GRIP1: variants seen among roughly 807,000 people sequenced by gnomAD.
GRIP1 encodes the protein glutamate receptor-interacting protein 1.
GRIP1 carries 45 observed loss-of-function variants against 129.9 expected under a neutral mutation model. The observed-to-expected ratio is 0.35, with a 90% confidence interval of 0.27 to 0.44. The LOEUF is 0.44. Among genes scored for constraint, GRIP1 ranks in the 20% least tolerant of loss-of-function variants. The pLI is 1.00. For synonymous variants in GRIP1, 530 were observed against 520.8 expected (o/e 1.02, Z -0.24); for missense variants, 1,196 against 1,396.8 (o/e 0.86, Z 2.29).
intron 1 of GRIP1, among the ~76,000 whole-genome samples, chr12:66,801,085 A>G (rs575857099): frequency 6.6e-6 from 1 of 152,162 alleles, no homozygotes; most frequent in South Asian, 2.1e-4. Context: ...CAATACCTTT[A>G]CCTAAATTGT....
At chr12:66,495,519 A>T (rs2060213787) in intron 7 of GRIP1, among the ~76,000 whole-genome samples, 1 of 152,210 alleles carries the variant, frequency 6.6e-6, no homozygotes, top group African/African-American at 2.4e-5. Flanking sequence ...AAAAAAATCT[A>T]CATGTGGAGC....
intron 6 of GRIP1, among the ~76,000 whole-genome samples, chr12:66,516,480 A>C (rs2060847889): frequency 6.6e-6 from 1 of 152,160 alleles, no homozygotes; most frequent in African/African-American, 2.4e-5. Context: ...ATTTGGAAAG[A>C]ATAATAATGA....
At chr12:66,484,300 T>C (rs1032717293) in intron 7 of GRIP1, among the ~76,000 whole-genome samples, 3 of 152,230 alleles carry the variant, frequency 2.0e-5, no homozygotes, top group Admixed American at 1.3e-4. Flanking sequence ...TAATTTATTA[T>C]AATTGCTATA....
At chr12:66,475,478 C>A (rs2059576599) in intron 7 of GRIP1, among the ~76,000 whole-genome samples, 1 of 152,166 alleles carries the variant, frequency 6.6e-6, no homozygotes, top group Non-Finnish European at 1.5e-5. Flanking sequence ...ACCAAGCAGA[C>A]CTAACAGACA....
chr12:66,349,598 T>C (rs2137051773), intron 24 of GRIP1, among the ~76,000 whole-genome samples: 1 of 152,284 alleles, frequency 6.6e-6, no homozygotes, highest in Middle Eastern at 3.4e-3. Flanking sequence ...CTTAGATCAG[T>C]AGTTGGTAAG....
chr12:66,519,106 T>C (rs1051877718), intron 5 of GRIP1, among the ~76,000 whole-genome samples: 23 of 150,898 alleles, frequency 1.5e-4, no homozygotes, highest in African/African-American at 4.5e-4. Flanking sequence ...AAACCTGGCA[T>C]AGGCCGAAAG....
intron 7 of GRIP1, among the ~76,000 whole-genome samples, chr12:66,500,277 A>T (rs1056535239): frequency 6.6e-6 from 1 of 152,186 alleles, no homozygotes; most frequent in South Asian, 2.1e-4. Context: ...CCAGGAAACA[A>T]ATCTGAGTCC....
At chr12:66,420,846 G>A in intron 14 of GRIP1, 57 bp from the exon 15 acceptor site, 1 of 940,850 alleles carries the variant, frequency 1.1e-6, no homozygotes, top group Non-Finnish European at 1.8e-6. Context: ...ACCCCTTACT[G>A]TACATTTCCC....
intron 1 of GRIP1, among the ~76,000 whole-genome samples, chr12:66,771,828 C>G (rs1367469370): frequency 6.6e-6 from 1 of 152,126 alleles, no homozygotes; most frequent in Non-Finnish European, 1.5e-5. Context: ...CACATACAGC[C>G]AAAAGTCTCA....
chr12:66,633,609 T>C (rs1396188197), intron 1 of GRIP1, among the ~76,000 whole-genome samples: 1 of 152,168 alleles, frequency 6.6e-6, no homozygotes, highest in Non-Finnish European at 1.5e-5. Flanking sequence ...AGTAAAGACA[T>C]GGATTAACTT....
intron 1 of GRIP1, among the ~76,000 whole-genome samples, chr12:66,619,984 A>T (rs1302559435): frequency 6.6e-6 from 1 of 152,176 alleles, no homozygotes; most frequent in Non-Finnish European, 1.5e-5. Flanking sequence ...ACATTTCATA[A>T]TTTCAGTGAG....
intron 1 of GRIP1, among the ~76,000 whole-genome samples, chr12:66,913,761 G>A (rs1203135550): frequency 6.6e-6 from 1 of 152,116 alleles, no homozygotes; most frequent in African/African-American, 2.4e-5. Flanking sequence ...ATATCAGGAG[G>A]TCAATCAAGT....
At chr12:66,917,947 A>AAC (rs58387290) in intron 1 of GRIP1, among the ~76,000 whole-genome samples, 3,956 of 147,578 alleles carry the variant, frequency 0.027, 68 homozygotes, top group Non-Finnish European at 0.029. Context: ...GAGATGTATA[A>AAC]ACACACACAC....
intron 1 of GRIP1, among the ~76,000 whole-genome samples, chr12:66,893,564 C>G (rs2137240545): frequency 6.6e-6 from 1 of 152,312 alleles, no homozygotes; most frequent in Middle Eastern, 3.4e-3. Context: ...AGTTTTCCAT[C>G]ATACTGATAT....
intron 23 of GRIP1, among the ~76,000 whole-genome samples, chr12:66,362,655 A>G (rs543263266): frequency 6.6e-6 from 1 of 151,904 alleles, no homozygotes; most frequent in Non-Finnish European, 1.5e-5. Context: ...TGATCACAAC[A>G]GAGATGCATA....
chr12:66,377,453 G>A (rs1169171885), intron 20 of GRIP1, among the ~76,000 whole-genome samples, 168 bp from the exon 21 acceptor site: 3 of 150,542 alleles, frequency 2.0e-5, no homozygotes, highest in Admixed American at 1.3e-4. Context: ...TCAGCCTCCC[G>A]AGTAGCTGGG....
intron 1 of GRIP1, among the ~76,000 whole-genome samples, chr12:66,953,302 G>T (rs2041789396): frequency 6.6e-6 from 1 of 152,164 alleles, no homozygotes; most frequent in Non-Finnish European, 1.5e-5. Flanking sequence ...GAGGTAAACA[G>T]CTGGAGAGGC....
rs886049796 is a variant in GRIP1 at position 66,348,784 on chromosome 12, C to A, written c.*235G>T. 32 of 543,532 alleles carry A rather than the reference C, an allele frequency of 5.9e-5. No homozygotes were observed. Among genetic ancestry groups the A allele is most frequent in the Non-Finnish European group, 8.2e-5 (25 of 303,734 alleles). 33.7% of individuals were successfully genotyped at this position (543,532 alleles called of 1,614,324 possible). A position where few individuals can be genotyped will look rare whatever the true frequency, so the allele number is the denominator to read the frequency against. On this transcript the variant is annotated 3_prime_UTR_variant, in exon 25 of 25. Coordinates refer to ENST00000359742, the MANE Select transcript of GRIP1 (RefSeq NM_001366722.1). ...GTGGGGGACGGCCTATTTTTCTCTACCGTTGGGACTGGCAGGGCATTGCCC... is the reference window on the plus strand; with the variant it reads ...GTGGGGGACGGCCTATTTTTCTCTAACGTTGGGACTGGCAGGGCATTGCCC...
At chr12:66,991,002 A>T (rs1320424703) in intron 1 of GRIP1, among the ~76,000 whole-genome samples, 1 of 151,754 alleles carries the variant, frequency 6.6e-6, no homozygotes, top group Non-Finnish European at 1.5e-5. Flanking sequence ...GAAAGAAAAA[A>T]GGACAAACTA....
Sources: gnomAD v4.1 joint callset for allele counts (sites outside exome capture counted in the v4.1 genomes callset) on GRCh38, gnomAD v4.1.1 for gene constraint, MANE v1.5 for transcripts, NCBI Gene and HGNC (gene_info 2026-07-23, HGNC 2026-07-21) for gene names.